The following TAOK3 variants were observed in gnomAD, a reference collection of about 807,000 sequenced individuals.
TAOK3 encodes the protein TAO kinase 3, also known as serine/threonine-protein kinase TAO3.
TAOK3 carries 40 observed loss-of-function variants against 120.4 expected under a neutral mutation model. The ratio of observed to expected loss-of-function variants is 0.33; its 90% CI spans 0.26 to 0.43. The LOEUF is 0.43. Ranked by LOEUF, TAOK3 falls within the 20% of genes least tolerant of loss-of-function variation. The probability of loss-of-function intolerance (pLI) is 1.00; values close to 1 mark genes in which losing one functional copy is unlikely to be tolerated. For missense variants in TAOK3, 821 were observed against 1,112.1 expected, an observed-to-expected ratio of 0.74 and a Z score of 3.72; for synonymous variants, 355 against 387.5, an observed-to-expected ratio of 0.92 and a Z score of 0.99.
intron 11 of TAOK3, among the ~76,000 whole-genome samples, chr12:118,205,849 GATCC>G (rs1461307542): frequency 1.3e-5 from 2 of 151,840 alleles, no homozygotes; most frequent in Non-Finnish European, 2.9e-5. Flanking sequence ...GACCTTAGGT[GATCC>G]ACCCACCTCA....
chr12:118,226,683 A>C (rs900080284), intron 9 of TAOK3, among the ~76,000 whole-genome samples: 7 of 152,226 alleles, frequency 4.6e-5, no homozygotes, highest in Non-Finnish European at 7.3e-5. Context: ...ATTTGCAGAA[A>C]TAGCTGTCAT....
chr12:118,251,089 T>C (rs1268317502), intron 3 of TAOK3, among the ~76,000 whole-genome samples: 1 of 152,160 alleles, frequency 6.6e-6, no homozygotes, highest in Admixed American at 6.5e-5. Context: ...GGAGAGCCCC[T>C]AAAGGCTTTA....
intron 1 of TAOK3, among the ~76,000 whole-genome samples, chr12:118,267,605 G>A (rs576961916): frequency 1.3e-5 from 2 of 150,936 alleles, no homozygotes; most frequent in African/African-American, 2.4e-5. Flanking sequence ...AAAAAAATCC[G>A]GCCGGACGCA....
At chr12:118,182,625 T>TA (rs35580550) in intron 14 of TAOK3, among the ~76,000 whole-genome samples, 1,681 of 56,488 alleles carry the variant, frequency 0.03, 13 homozygotes, top group Non-Finnish European at 0.036. Context: ...ATATATATAT[T>TA]TTTTTTTTTT....
Position 118,296,536 on chromosome 12 carries a change from T to C in TAOK3, c.-193-29777A>G, listed in dbSNP as rs145664849. On this transcript the variant is annotated intron_variant, in intron 1 of 20. Coordinates refer to ENST00000392533, the MANE Select transcript of TAOK3 (RefSeq NM_016281.4). ...AAAAAGAATGGGACGGGGGAGACTG[T>C]CAGTCACTTCTCTTTAATTAAATAG... Among the ~76,000 whole-genome samples, 4 of 152,328 alleles carry C rather than the reference T, an allele frequency of 2.6e-5. No individual in the cohort carries two copies. The East Asian group carries it at 7.7e-4, about 29-fold the overall frequency.
chr12:118,347,030 G>A (rs1377590352), intron 1 of TAOK3, among the ~76,000 whole-genome samples: 2 of 151,822 alleles, frequency 1.3e-5, no homozygotes, highest in African/African-American at 2.4e-5. Context: ...ACCAGGTCTC[G>A]CTCTGTCACC....
At chr12:118,353,809 T>A (rs1393767277) in intron 1 of TAOK3, among the ~76,000 whole-genome samples, 2 of 152,160 alleles carry the variant, frequency 1.3e-5, no homozygotes, top group African/African-American at 4.8e-5. Context: ...GGGGTTACAT[T>A]ACAGATTAAC....
chr12:118,167,984 C>T (rs2035717642), intron 17 of TAOK3, among the ~76,000 whole-genome samples: 3 of 152,106 alleles, frequency 2.0e-5, no homozygotes, highest in Admixed American at 2.0e-4. Context: ...CCTTTTCAGC[C>T]TTAAGTCAGC....
intron 1 of TAOK3, among the ~76,000 whole-genome samples, chr12:118,355,226 C>T (rs1167157328): frequency 6.6e-6 from 1 of 152,160 alleles, no homozygotes; most frequent in Non-Finnish European, 1.5e-5. Context: ...TATCTATGTT[C>T]TATTGTCACC....
intron 11 of TAOK3, among the ~76,000 whole-genome samples, chr12:118,203,847 G>A (rs896917564): frequency 6.6e-6 from 1 of 152,132 alleles, no homozygotes. Flanking sequence ...ATGACTAACA[G>A]ACCTATCAAC....
chr12:118,196,855 C>G (rs1698676131), intron 13 of TAOK3, among the ~76,000 whole-genome samples: 2 of 152,128 alleles, frequency 1.3e-5, no homozygotes, highest in East Asian at 3.8e-4. Context: ...GCGCCAGGCA[C>G]TATTCTAGGT....
chr12:118,352,301 C>T (rs549421412), intron 1 of TAOK3, among the ~76,000 whole-genome samples: 4 of 151,920 alleles, frequency 2.6e-5, no homozygotes, highest in Non-Finnish European at 4.4e-5. Context: ...GTCAGGTGTT[C>T]GACACCAGCC....
chr12:118,235,833 C>G (rs2039999171), intron 7 of TAOK3, 162 bp from the exon 8 acceptor site: 5 of 556,738 alleles, frequency 9.0e-6, no homozygotes, highest in Non-Finnish European at 1.3e-5. Flanking sequence ...GTAATTACTG[C>G]ATGTTGTAAG....
chr12:118,248,048 T>A (rs985994895), intron 3 of TAOK3, among the ~76,000 whole-genome samples: 1 of 152,098 alleles, frequency 6.6e-6, no homozygotes, highest in South Asian at 2.1e-4. Flanking sequence ...TAGAGAAAAA[T>A]TCATAATCAT....
At chr12:118,198,904 T>G in intron 13 of TAOK3, 147 bp downstream of exon 13, 1 of 762,278 alleles carries the variant, frequency 1.3e-6, no homozygotes, top group Non-Finnish European at 2.2e-6. Flanking sequence ...TGTTACTTTT[T>G]GACTGTAAGA....
chr12:118,209,717 C>T (rs1374477188), intron 11 of TAOK3, among the ~76,000 whole-genome samples: 1 of 142,630 alleles, frequency 7.0e-6, no homozygotes, highest in Non-Finnish European at 1.5e-5. Context: ...TCTTCTTCTT[C>T]TTTTTTTTTT....
At chr12:118,365,309 T>A (rs1011195296) in intron 1 of TAOK3, among the ~76,000 whole-genome samples, 2 of 152,168 alleles carry the variant, frequency 1.3e-5, no homozygotes, top group African/African-American at 4.8e-5. Context: ...TCATTGCTCA[T>A]GCAACCTCCA....
Position 118,350,236 on chromosome 12 carries a change from G to A in TAOK3, c.-194+22412C>T, listed in dbSNP as rs181930994. Among the ~76,000 whole-genome samples, 15 of 152,260 alleles carry A rather than the reference G, an allele frequency of 9.9e-5. No individual in the cohort carries two copies. The East Asian group carries it at 1.7e-3, about 18-fold the overall frequency. On this transcript the variant is annotated intron_variant, in intron 1 of 20. Transcript: ENST00000392533. ...CTGTAGGCACTAATAGAACAGTACA[G>A]AGTTATTTAATTCCAATCTTCACAA...
chr12:118,333,044 G>A (rs1189338980), intron 1 of TAOK3, among the ~76,000 whole-genome samples: 1 of 150,962 alleles, frequency 6.6e-6, no homozygotes, highest in Non-Finnish European at 1.5e-5. Flanking sequence ...ATGCTTGGGG[G>A]CTTGAACACT....
Sources: allele counts gnomAD v4.1 joint callset (sites outside exome capture counted in the v4.1 genomes callset), GRCh38; gene constraint gnomAD v4.1.1; transcripts MANE v1.5; gene names NCBI Gene and HGNC (gene_info 2026-07-23, HGNC 2026-07-21).